Variants in THRAP3 observed in about 807,000 individuals in gnomAD.
The protein encoded by THRAP3 is thyroid hormone receptor-associated protein 3.
THRAP3 carries 16 observed loss-of-function variants against 101.0 expected under a neutral mutation model. The observed-to-expected ratio is 0.16, with a 90% CI of 0.11 to 0.24. The LOEUF (loss-of-function observed/expected upper bound fraction) is 0.24, where lower values mean the gene tolerates loss of function less well. THRAP3 is among the 10% of genes least tolerant of loss of function. THRAP3 has a pLI of 1.00. For missense variants in THRAP3, 989 were observed against 1,202.7 expected (o/e 0.82, Z 2.63); for synonymous variants, 407 against 422.6 (o/e 0.96, Z 0.45).
At chr1:36,226,694 G>C (rs1299894635) in intron 1 of THRAP3, among the ~76,000 whole-genome samples, 1 of 152,124 alleles carries the variant, frequency 6.6e-6, no homozygotes, top group South Asian at 2.1e-4. Context: ...CAGGGTTTTG[G>C]TGGATTTTTT....
intron 5 of THRAP3, among the ~76,000 whole-genome samples, chr1:36,290,204 T>TC (rs1242651463): frequency 6.7e-6 from 1 of 150,212 alleles, no homozygotes; most frequent in African/African-American, 2.4e-5. Context: ...TCTCTCTTCT[T>TC]TTTTTTTTTG....
the THRAP3 span, among the ~76,000 whole-genome samples, chr1:36,216,292 G>T: frequency 6.6e-6 from 1 of 151,854 alleles, no homozygotes; most frequent in Non-Finnish European, 1.5e-5. Context: ...GGCTGAGGTG[G>T]GTGGCTCACC....
At chr1:36,226,103 T>G (rs760572274) in intron 1 of THRAP3, among the ~76,000 whole-genome samples, 1 of 152,136 alleles carries the variant, frequency 6.6e-6, no homozygotes, top group African/African-American at 2.4e-5. Flanking sequence ...AATATATAGG[T>G]ACTTTTAAAT....
chr1:36,249,070 T>C (rs1413280366), intron 1 of THRAP3, among the ~76,000 whole-genome samples: 1 of 151,898 alleles, frequency 6.6e-6, no homozygotes, highest in Non-Finnish European at 1.5e-5. Context: ...GTATTTTTAG[T>C]AGAGATGGGG....
At chr1:36,291,688 C>A in intron 6 of THRAP3, 142 bp downstream of exon 6, 1 of 837,636 alleles carries the variant, frequency 1.2e-6, no homozygotes, top group Non-Finnish European at 1.8e-6. Context: ...AAGGAAATTC[C>A]ATTCAAGAAG....
At chr1:36,276,858 A>G (rs1229049614) in intron 2 of THRAP3, among the ~76,000 whole-genome samples, 1 of 152,212 alleles carries the variant, frequency 6.6e-6, no homozygotes, top group Non-Finnish European at 1.5e-5. Context: ...CTCCATCTCA[A>G]AAAACATAAA....
At chr1:36,255,660 C>G (rs1459143197) in intron 1 of THRAP3, among the ~76,000 whole-genome samples, 1 of 151,496 alleles carries the variant, frequency 6.6e-6, no homozygotes, top group Non-Finnish European at 1.5e-5. Context: ...GTAATCCCAG[C>G]TACTAGGGAG....
intron 2 of THRAP3, among the ~76,000 whole-genome samples, chr1:36,266,337 A>T (rs920446334): frequency 3.9e-5 from 6 of 151,978 alleles, no homozygotes; most frequent in African/African-American, 1.5e-4. Flanking sequence ...AAAATGACAA[A>T]CAACAACAAC....
At chr1:36,220,974 T>A (rs2477302), upstream of THRAP3, among the ~76,000 whole-genome samples, 17,332 of 73,744 alleles carry the variant, frequency 0.24, 1,618 homozygotes, top group African/African-American at 0.29. Context: ...AAAAAAAAAA[T>A]ATATATATAT....
rs973606757 is a variant in THRAP3 at position 36,267,395 on chromosome 1, G to A, written c.-32+7911G>A. Among the ~76,000 whole-genome samples the A allele has an allele frequency of 2.6e-5, 4 of 152,080 alleles. 1 individual carries two copies. The highest frequency in any genetic ancestry group is 4.1e-4 in the South Asian group (2 of 4,824). On this transcript the variant is annotated intron_variant, in intron 2 of 11. Transcript: ENST00000354618. The stretch of plus-strand genomic sequence containing the variant: ...TTTTTGTCAGCAATACAGCTGTTCC[G>A]AATCATCATTTTACTGATGAAAAAA...
chr1:36,219,848 G>A (rs1278883877), upstream of THRAP3, among the ~76,000 whole-genome samples: 2 of 152,178 alleles, frequency 1.3e-5, no homozygotes, highest in Non-Finnish European at 2.9e-5. Context: ...AAGACAGACT[G>A]ATTCTCTTTT....
chr1:36,254,164 C>T (rs947380626), intron 1 of THRAP3, among the ~76,000 whole-genome samples: 4 of 152,082 alleles, frequency 2.6e-5, no homozygotes, highest in African/African-American at 7.2e-5. Flanking sequence ...ACGGAGACCA[C>T]GTCTCAAGAA....
chr1:36,220,228 A>G (rs1644895039), upstream of THRAP3, among the ~76,000 whole-genome samples: 1 of 152,024 alleles, frequency 6.6e-6, no homozygotes, highest in Admixed American at 6.6e-5. Flanking sequence ...CCTGACCTCA[A>G]GTGATCTACC....
Position 36,286,451 on chromosome 1 carries a change from G to A in THRAP3, c.221G>A (p.Arg74Gln), listed in dbSNP as rs1645796358. ...AGAGTATATCAGAATCGGGATTTCCGAGGTCACAACAGAGGCTATAGAAGG... is the reference window on the plus strand; with the variant it reads ...AGAGTATATCAGAATCGGGATTTCCAAGGTCACAACAGAGGCTATAGAAGG... ...HPRVYQNRDFRGHNRGYRRPY... is the reference protein window; with the variant it reads ...HPRVYQNRDFQGHNRGYRRPY... The change falls in exon 4 of 12, where the codon CGA becomes CAA. Residue 74 changes from arginine to glutamine, a missense_variant. Physicochemically the swap from Arg to Gln is conservative, Grantham distance 43. Transcript: ENST00000354618. The surrounding 1 kb of genome is among the most constrained non-coding windows in gnomAD (Gnocchi z 5.5). 1.9e-6 allele frequency: 3 copies of A among 1,613,998 alleles called. No individual in the cohort carries two copies. Among genetic ancestry groups the A allele is most frequent in the Non-Finnish European group, 2.5e-6 (3 of 1,180,048 alleles).
At chr1:36,237,489 G>C (rs987905969) in intron 1 of THRAP3, among the ~76,000 whole-genome samples, 8 of 122,024 alleles carry the variant, frequency 6.6e-5, no homozygotes, top group Non-Finnish European at 1.0e-4. Context: ...AAAAAAAAAA[G>C]GCTGGGCGCG....
In THRAP3 at chr1:36,237,823, G is replaced by T. The variant is rs75746067; in HGVS notation, c.-135+13318G>T. On this transcript the variant is annotated intron_variant, in intron 1 of 11. Transcript: ENST00000354618. ...ACTAGGTAGGAAATAGGTTTTTTTT[G>T]TGTGTGTGTGTGTTTTTGGAGACAA... Among the ~76,000 whole-genome samples the T allele has an allele frequency of 2.0e-3, 297 of 151,094 alleles. 1 individual carries two copies. The highest frequency in any genetic ancestry group is 5.6e-3 in the South Asian group (27 of 4,808).
chr1:36,268,744 C>G (rs1370617557), intron 2 of THRAP3, among the ~76,000 whole-genome samples: 1 of 148,638 alleles, frequency 6.7e-6, no homozygotes, highest in Non-Finnish European at 1.5e-5. Context: ...TTTTTTGAGA[C>G]GGAGTCTCGC....
upstream of THRAP3, among the ~76,000 whole-genome samples, chr1:36,221,456 G>A (rs900919737): frequency 6.6e-6 from 1 of 151,972 alleles, no homozygotes; most frequent in African/African-American, 2.4e-5. Flanking sequence ...AAACTTCATT[G>A]CTCTCTTATT....
chr1:36,289,812 G>A (rs778102139), intron 5 of THRAP3, 48 bp downstream of exon 5: 3 of 1,541,124 alleles, frequency 1.9e-6, no homozygotes, highest in Non-Finnish European at 2.6e-6. Flanking sequence ...GGCCTAAGTG[G>A]TGTCGCCTAG....
Sources: allele counts gnomAD v4.1 joint callset (sites outside exome capture counted in the v4.1 genomes callset), GRCh38; gene constraint gnomAD v4.1.1; non-coding constraint Gnocchi (gnomAD v3.1); transcripts MANE v1.5; gene names NCBI Gene and HGNC (gene_info 2026-07-23, HGNC 2026-07-21).